Variants in SUN5 observed in about 807,000 individuals in gnomAD.
The protein encoded by SUN5 is SUN domain-containing protein 5.
A neutral mutation model predicts 53.7 loss-of-function variants in SUN5; 44 were observed. The ratio of observed to expected loss-of-function variants is 0.82; its 90% confidence interval spans 0.64 to 1.05. The LOEUF (loss-of-function observed/expected upper bound fraction) is 1.05. Among genes scored for constraint, SUN5 ranks in the 50% least tolerant of loss-of-function variants. The pLI, the probability that SUN5 is intolerant of heterozygous loss-of-function variation, is 0.00. For missense variants in SUN5, 433 were observed against 483.8 expected (o/e 0.90, Z 0.98); for synonymous variants, 166 against 179.8 (o/e 0.92, Z 0.62).
At chr20:32,989,787 A>G in intron 8 of SUN5, 89 bp from the exon 9 acceptor site, 4 of 1,110,502 alleles carry the variant, frequency 3.6e-6, no homozygotes, top group Non-Finnish European at 5.4e-6. Context: ...AGGGGGCTGC[A>G]GGACGCTGTC....
Position 33,001,269 on chromosome 20 carries a change from G to A in SUN5, c.221C>T (p.Thr74Ile), listed in dbSNP as rs749074311. Residue 74 changes from threonine (T) to isoleucine (I), a missense_variant, in exon 4 of 13, where the codon ACC becomes ATC. By Grantham distance (89) the Thr-to-Ile change is moderately conservative (BLOSUM62 -1). Transcript: ENST00000356173. Reference sequence around the variant, plus strand: ...AGTTCTCAGGGAGCAGGCAAAACAGGTGAACCAGGCTGCACGGGAGACAGA... The same window carrying A: ...AGTTCTCAGGGAGCAGGCAAAACAGATGAACCAGGCTGCACGGGAGACAGA... The part of the protein sequence containing the change: ...QCMLGCVSWF[T>I]CFACSLRTQA... 6.3e-7 allele frequency: 1 copy of A among 1,575,218 alleles called. No individual in the cohort carries two copies.
intron 1 of SUN5, among the ~76,000 whole-genome samples, chr20:33,003,606 G>A (rs1374816930): frequency 6.6e-6 from 1 of 151,996 alleles, no homozygotes; most frequent in East Asian, 1.9e-4. Flanking sequence ...TAAGTCAAAG[G>A]TCTTTAAACA....
intron 1 of SUN5, among the ~76,000 whole-genome samples, chr20:33,003,310 G>A (rs1217833266): frequency 1.3e-5 from 2 of 152,266 alleles, no homozygotes; most frequent in East Asian, 1.9e-4. Flanking sequence ...GGGTGAGGTA[G>A]GGGGGTGGTT....
At chr20:33,001,519 C>CTTTCTTTTCT (rs68051515) in intron 3 of SUN5, among the ~76,000 whole-genome samples, 3 of 121,324 alleles carry the variant, frequency 2.5e-5, no homozygotes, top group African/African-American at 3.5e-5. Context: ...TTCTTTCTTT[C>CTTTCTTTTCT]TTCTTTCTTT....
intron 4 of SUN5, 70 bp from the exon 5 acceptor site, chr20:33,000,205 T>G: frequency 6.6e-7 from 1 of 1,507,070 alleles, no homozygotes; most frequent in Admixed American, 2.2e-5. Flanking sequence ...CTCCTCCTCG[T>G]CACTCTCTTT....
chr20:32,985,070 G>T (rs778361730), intron 12 of SUN5, 29 bp downstream of exon 12: 4 of 1,607,456 alleles, frequency 2.5e-6, no homozygotes, highest in Middle Eastern at 1.7e-4. Context: ...TTCAGCAGGT[G>T]CTCAGCACAG....
chr20:32,991,957 G>A (rs1219036504), intron 8 of SUN5, among the ~76,000 whole-genome samples: 2 of 152,190 alleles, frequency 1.3e-5, no homozygotes, highest in East Asian at 1.9e-4. Flanking sequence ...TGCACGTTGC[G>A]CACAGCAGAA....
chr20:32,987,657 T>A lies in SUN5; in HGVS notation c.729+3A>T. 1 of 1,540,454 alleles carries A rather than the reference T, an allele frequency of 6.5e-7. No homozygotes were observed. Among genetic ancestry groups the A allele is most frequent in the Non-Finnish European group, 8.8e-7 (1 of 1,136,370 alleles). On this transcript the variant is annotated splice_donor_region_variant and intron_variant, in intron 10 of 12. Transcript: ENST00000356173. ...CTGTCCCATCTCCCGCCATCCCCCCTGCCTCAAGGATCACGTCTGGGGGCT... is the reference window on the plus strand; with the variant it reads ...CTGTCCCATCTCCCGCCATCCCCCCAGCCTCAAGGATCACGTCTGGGGGCT...
rs1488194067 is a variant in SUN5, at chr20:32,994,621, G to C, written c.534+998C>G. On this transcript the variant is annotated intron_variant, in intron 8 of 12. Coordinates refer to ENST00000356173, the MANE Select transcript of SUN5 (RefSeq NM_080675.4). ...GTATCTGAAATTAAGAACTAAGGCT[G>C]GATGCAGTGGCTCACGTCTGTAATC... Among the ~76,000 whole-genome samples the C allele has an allele frequency of 2.0e-5, 3 of 152,190 alleles. No individual in the cohort carries two copies. In the South Asian group the frequency reaches 6.2e-4, roughly 32 times the overall value.
At chr20:32,984,527 G>A (rs931738788) in intron 12 of SUN5, among the ~76,000 whole-genome samples, 3 of 152,200 alleles carry the variant, frequency 2.0e-5, no homozygotes, top group African/African-American at 7.2e-5. Context: ...ATGACAGAAG[G>A]GGAAAACTGA....
At chr20:33,003,042 G>T in intron 1 of SUN5, 123 bp from the exon 2 acceptor site, 2 of 1,118,318 alleles carry the variant, frequency 1.8e-6, no homozygotes, top group Admixed American at 2.1e-5. Context: ...AACACCACCA[G>T]CCTGTGATTC....
rs1189954636 is a variant in SUN5, at chr20:33,000,076, A to G, written c.338T>C (p.Phe113Ser). The G allele has an allele frequency of 3.1e-6, 5 of 1,608,978 alleles. No individual in the cohort carries two copies. The African/African-American group carries it at 6.7e-5, about 21-fold the overall frequency. ...CTGGGCAGGGCCCTGGGACACACCG[A>G]AAGCACAGAGGAGCAGAATGCCTGT... ...EKTGILLLCA[F>S]GFWMFSIHLP... is the part of the protein sequence containing the mutation. The change falls in exon 5 of 13, where the codon TTC becomes TCC. Residue 113 changes from phenylalanine (F) to serine (S), a missense_variant and splice_region_variant. Physicochemically the swap from Phe to Ser is radical, Grantham distance 155. Transcript: ENST00000356173.
At chr20:32,992,336 G>T (rs1000030433) in intron 8 of SUN5, among the ~76,000 whole-genome samples, 1 of 152,152 alleles carries the variant, frequency 6.6e-6, no homozygotes, top group African/African-American at 2.4e-5. Context: ...TCCGAAACTG[G>T]CCATCCTCAA....
intron 1 of SUN5, among the ~76,000 whole-genome samples, chr20:33,003,981 T>C (rs1990121242): frequency 6.6e-6 from 1 of 152,230 alleles, no homozygotes; most frequent in Admixed American, 6.5e-5. Flanking sequence ...GTGAGCTCCA[T>C]GAGGGAACGG....
chr20:32,999,805 G>A lies in SUN5; in HGVS notation c.340+269C>T, dbSNP rs561940254. 9.0e-5 allele frequency: 96 copies of A among 1,066,288 alleles called. No individual in the cohort carries two copies. The South Asian group carries it at 1.4e-3, about 16-fold the overall frequency. 66.1% of individuals were successfully genotyped at this position (1,066,288 alleles called of 1,614,324 possible). A position where few individuals can be genotyped will look rare whatever the true frequency, so the allele number is the denominator to read the frequency against. ...TGTGTTGTGCGAGGTGGGGGTGGTG[G>A]CTGGAAAGAAGCCATGGAAACCCAG... On this transcript the variant is annotated intron_variant, in intron 5 of 12. Transcript: ENST00000356173.
At position 33,001,245 on chromosome 20, in the gene SUN5, G is replaced by C. The variant is rs1222743955; in HGVS notation, c.245C>G (p.Thr82Ser). ...WFTCFACSLR[T>S]QAQQVLFNTC... ...GTTAAACAGAACCTGCTGGGCCTGAGTTCTCAGGGAGCAGGCAAAACAGGT... is the reference window on the plus strand; with the variant it reads ...GTTAAACAGAACCTGCTGGGCCTGACTTCTCAGGGAGCAGGCAAAACAGGT... Residue 82 changes from threonine to serine, a missense_variant, in exon 4 of 13, where the codon ACT becomes AGT. Coordinates refer to ENST00000356173, the MANE Select transcript of SUN5 (RefSeq NM_080675.4). The C allele has an allele frequency of 1.3e-6, 2 of 1,578,910 alleles. No individual in the cohort carries two copies. The highest frequency in any genetic ancestry group is 2.7e-5 in the African/African-American group (2 of 74,344).
intron 1 of SUN5, 108 bp downstream of exon 1, chr20:33,004,156 C>G (rs1306829653): frequency 6.5e-6 from 8 of 1,237,128 alleles, no homozygotes; most frequent in Non-Finnish European, 3.2e-6. Context: ...TGGTGGCTGT[C>G]TCTGTACAGT....
Position 32,987,771 on chromosome 20 carries a change from G to A in SUN5, c.618C>T (p.Ala206=), listed in dbSNP as rs757373537. 8.1e-5 allele frequency: 130 copies of A among 1,611,486 alleles called. 1 individual carries two copies. Among genetic ancestry groups the A allele is most frequent in the Middle Eastern group, 6.6e-4 (4 of 6,082 alleles). The part of the protein sequence containing the change: ...KPDFALKSIG[A]SIDFEHTSVT... ...CTGACGTGTGCTCAAAGTCAATGCT[G>A]GCCCCTGTATAGGAGAAGGGGGTCT... Residue 206 remains alanine, a synonymous_variant, in exon 10 of 13, where the codon GCC becomes GCT. Transcript: ENST00000356173.
At chr20:32,993,800 G>A (rs1220017815) in intron 8 of SUN5, among the ~76,000 whole-genome samples, 1 of 152,212 alleles carries the variant, frequency 6.6e-6, no homozygotes, top group Non-Finnish European at 1.5e-5. Context: ...AGGTCTGAGT[G>A]AGGCCTATTA....
Sources: allele counts gnomAD v4.1 joint callset (sites outside exome capture counted in the v4.1 genomes callset), GRCh38; gene constraint gnomAD v4.1.1; transcripts MANE v1.5; gene names NCBI Gene and HGNC (gene_info 2026-07-23, HGNC 2026-07-21).